Variants in GPC5 observed in about 807,000 individuals in gnomAD.
GPC5 encodes glypican-5.
Under a neutral mutation model 53.9 loss-of-function variants are expected in GPC5, and 47 were observed. That is an observed-to-expected ratio of 0.87 (90% CI 0.69 to 1.11). The LOEUF is 1.11. GPC5 is among the 50% of genes most tolerant of loss of function. The pLI, the probability that GPC5 is intolerant of heterozygous loss-of-function variation, is 0.00. For missense variants in GPC5, 748 were observed against 713.1 expected (o/e 1.05, Z -0.56); for synonymous variants, 286 against 263.3 (o/e 1.09, Z -0.84).
intron 7 of GPC5, among the ~76,000 whole-genome samples, chr13:92,803,941 A>G (rs1391686021): frequency 1.3e-5 from 2 of 152,044 alleles, no homozygotes; most frequent in East Asian, 3.9e-4. Context: ...AGCTCAAAGA[A>G]TTTTCTGAAT....
intron 2 of GPC5, among the ~76,000 whole-genome samples, chr13:91,516,768 A>G (rs1308789746): frequency 6.6e-6 from 1 of 152,120 alleles, no homozygotes; most frequent in Non-Finnish European, 1.5e-5. Flanking sequence ...GCAAACTTTT[A>G]TCTAGGCAGC....
chr13:91,770,720 G>GTGTGTGTGTGTGTGTGTT (rs1390087055), intron 5 of GPC5, among the ~76,000 whole-genome samples: 2 of 151,670 alleles, frequency 1.3e-5, no homozygotes, highest in East Asian at 3.9e-4. Flanking sequence ...GTGTGTGTGT[G>GTGTGTGTGTGTGTGTGTT]TGTGTGTGTG....
chr13:92,736,384 A>G (rs974713634), intron 7 of GPC5, among the ~76,000 whole-genome samples: 1 of 151,950 alleles, frequency 6.6e-6, no homozygotes. Context: ...GCTCCTGTCT[A>G]TATCTCTAAG....
chr13:92,318,153 T>A (rs1460105297), intron 7 of GPC5, among the ~76,000 whole-genome samples: 1 of 152,202 alleles, frequency 6.6e-6, no homozygotes, highest in African/African-American at 2.4e-5. Context: ...AAAATCAACT[T>A]GATTTAGCAT....
chr13:92,667,714 C>T (rs745637906), intron 7 of GPC5, among the ~76,000 whole-genome samples: 8 of 152,226 alleles, frequency 5.3e-5, no homozygotes, highest in South Asian at 4.1e-4. Flanking sequence ...CAGGTATTTG[C>T]GGACACGCTT....
At chr13:91,539,839 C>T (rs1381803391) in intron 2 of GPC5, among the ~76,000 whole-genome samples, 2 of 151,208 alleles carry the variant, frequency 1.3e-5, no homozygotes, top group Non-Finnish European at 2.9e-5. Flanking sequence ...CATGGAAATA[C>T]AAATTTAAAA....
At chr13:92,538,952 C>T (rs1434469759) in intron 7 of GPC5, among the ~76,000 whole-genome samples, 12 of 84,530 alleles carry the variant, frequency 1.4e-4, no homozygotes, top group East Asian at 6.1e-4. Context: ...TATATATATA[C>T]ACCATATATA....
chr13:91,472,103 ATTC>A (rs1882668632), intron 2 of GPC5, among the ~76,000 whole-genome samples: 1 of 152,140 alleles, frequency 6.6e-6, no homozygotes, highest in African/African-American at 2.4e-5. Context: ...TGTTTCCAGA[ATTC>A]TCTGTTCAAT....
chr13:92,090,363 G>A (rs2041370142), intron 6 of GPC5, among the ~76,000 whole-genome samples: 1 of 152,112 alleles, frequency 6.6e-6, no homozygotes, highest in African/African-American at 2.4e-5. Context: ...TGGGGCCTTA[G>A]AGGGAGGGGA....
intron 7 of GPC5, among the ~76,000 whole-genome samples, chr13:92,671,845 G>T (rs1886762365): frequency 6.6e-6 from 1 of 152,178 alleles, no homozygotes; most frequent in African/African-American, 2.4e-5. Context: ...ATTTAAAAAG[G>T]ATAAATAAAC....
intron 5 of GPC5, among the ~76,000 whole-genome samples, chr13:91,813,536 G>T (rs1328361537): frequency 6.6e-6 from 1 of 152,178 alleles, no homozygotes; most frequent in Non-Finnish European, 1.5e-5. Context: ...TGGTGCCAAG[G>T]CCGGGTTGGT....
At chr13:92,636,646 C>T (rs1437763850) in intron 7 of GPC5, among the ~76,000 whole-genome samples, 1 of 152,092 alleles carries the variant, frequency 6.6e-6, no homozygotes, top group African/African-American at 2.4e-5. Context: ...TACTTACAAC[C>T]ATTGTCCGTA....
intron 2 of GPC5, among the ~76,000 whole-genome samples, chr13:91,500,610 C>T (rs925628904): frequency 1.3e-5 from 2 of 152,172 alleles, no homozygotes; most frequent in Non-Finnish European, 2.9e-5. Flanking sequence ...GCTGAATAGG[C>T]ATAGACTGAT....
Position 92,046,074 on chromosome 13 carries a change from G to T in GPC5, c.1402-98756G>T, listed in dbSNP as rs114106270. The stretch of plus-strand genomic sequence containing the variant: ...TGCAGTGACCCAAGATCGCACCACC[G>T]CACTCCACACTCCAGACTGGGCAAC... On this transcript the variant is annotated intron_variant, in intron 6 of 7. Coordinates refer to ENST00000377067, the MANE Select transcript of GPC5 (RefSeq NM_004466.6). 4.6e-3 allele frequency among the ~76,000 whole-genome samples: 699 copies of T among 151,236 alleles called. 8 individuals are homozygous for T. Among genetic ancestry groups the T allele is most frequent in the African/African-American group, 0.016 (664 of 41,126 alleles).
At chr13:91,776,360 T>C (rs2037710882) in intron 5 of GPC5, among the ~76,000 whole-genome samples, 1 of 152,188 alleles carries the variant, frequency 6.6e-6, no homozygotes, top group African/African-American at 2.4e-5. Flanking sequence ...TTAATGTGGC[T>C]TTGTTTGTTT....
chr13:92,772,755 C>A (rs1475034918), intron 7 of GPC5, among the ~76,000 whole-genome samples: 2 of 152,110 alleles, frequency 1.3e-5, no homozygotes, highest in African/African-American at 4.8e-5. Context: ...ACACAGTAAG[C>A]AGTAAGTGCT....
At chr13:92,361,567 G>A (rs1357069412) in intron 7 of GPC5, among the ~76,000 whole-genome samples, 1 of 151,662 alleles carries the variant, frequency 6.6e-6, no homozygotes, top group Non-Finnish European at 1.5e-5. Context: ...CTGTCTACTA[G>A]TACATCAGTG....
chr13:92,332,638 T>A (rs1402123581), intron 7 of GPC5, among the ~76,000 whole-genome samples: 1 of 152,152 alleles, frequency 6.6e-6, no homozygotes, highest in Non-Finnish European at 1.5e-5. Flanking sequence ...ATAGATAACA[T>A]AAATAAATGA....
chr13:92,582,863 C>A (rs1474888899), intron 7 of GPC5, among the ~76,000 whole-genome samples: 2 of 151,748 alleles, frequency 1.3e-5, no homozygotes, highest in African/African-American at 4.8e-5. Context: ...TTACTGTATT[C>A]TTTATTATTT....
Sources: allele counts gnomAD v4.1 joint callset (sites outside exome capture counted in the v4.1 genomes callset), GRCh38; gene constraint gnomAD v4.1.1; transcripts MANE v1.5; gene names NCBI Gene and HGNC (gene_info 2026-07-23, HGNC 2026-07-21).